Variants in ITIH3 observed in about 807,000 individuals in gnomAD.
The protein encoded by ITIH3 is inter-alpha-trypsin inhibitor heavy chain 3.
ITIH3 carries 81 observed loss-of-function variants against 96.5 expected under a neutral mutation model. The observed-to-expected ratio is 0.84, with a 90% confidence interval of 0.70 to 1.01. The LOEUF (loss-of-function observed/expected upper bound fraction) is 1.01. Ranked by LOEUF, ITIH3 falls within the 50% of genes least tolerant of loss-of-function variation. The pLI is 0.00. For missense variants in ITIH3, 1,057 were observed against 1,139.3 expected, an observed-to-expected ratio of 0.93 and a Z score of 1.04; for synonymous variants, 422 against 445.2, an observed-to-expected ratio of 0.95 and a Z score of 0.66.
Position 52,797,236 on chromosome 3 carries a change from T to C in ITIH3, c.518T>C (p.Val173Ala), listed in dbSNP as rs1699623715. 4 of 1,607,016 alleles carry C rather than the reference T, an allele frequency of 2.5e-6. No individual in the cohort carries two copies. The East Asian group carries it at 8.9e-5, about 36-fold the overall frequency. ...HKGKYEMYLK[V>A]QPKQLVKHFE... is the part of the protein sequence containing the mutation. ...GGCAAGTACGAGATGTACCTCAAGG[T>C]CCAGCCTAAGCAACTGGTCAAACAC... The change falls in exon 5 of 22, where the codon GTC becomes GCC. Residue 173 changes from valine (V) to alanine (A), a missense_variant. Coordinates refer to ENST00000449956, the MANE Select transcript of ITIH3 (RefSeq NM_002217.4).
rs1385085087 is a variant in ITIH3, at chr3:52,804,719, C to T, written c.1865-7C>T. The stretch of plus-strand genomic sequence containing the variant: ...TTTCTCTTCTTCCTCCCTTGCTGCA[C>T]CTGCAGATGCAGAAGGTAAGCCTTT... On this transcript the variant is annotated splice_region_variant and splice_polypyrimidine_tract_variant and intron_variant, in intron 14 of 21. Coordinates refer to ENST00000449956, the MANE Select transcript of ITIH3 (RefSeq NM_002217.4). The T allele has an allele frequency of 1.3e-6, 2 of 1,585,528 alleles. No homozygotes were observed. Among genetic ancestry groups the T allele is most frequent in the Non-Finnish European group, 1.7e-6 (2 of 1,164,710 alleles).
At chr3:52,804,235 G>C in intron 14 of ITIH3, 1 of 575,970 alleles carries the variant, frequency 1.7e-6, no homozygotes. Context: ...CTAAAGGGAA[G>C]TGAGTAAAGG....
rs377485421 is a variant in ITIH3 at position 52,796,323 on chromosome 3, C to T, written c.115-158C>T. ...GCCACCAGAACATGGAGACTGGAGACGCCACCAAGTCTTCCAGTGTAGAAG... is the reference window on the plus strand; with the variant it reads ...GCCACCAGAACATGGAGACTGGAGATGCCACCAAGTCTTCCAGTGTAGAAG... On this transcript the variant is annotated intron_variant, in intron 2 of 21. Transcript: ENST00000449956. Among the ~76,000 whole-genome samples, 167 of 152,204 alleles carry T rather than the reference C, an allele frequency of 1.1e-3. 1 individual carries two copies. Among genetic ancestry groups the T allele is most frequent in the South Asian group, 5.8e-3 (28 of 4,812 alleles).
intron 10 of ITIH3, 137 bp from the exon 11 acceptor site, chr3:52,800,828 C>A (rs1578756016): frequency 6.9e-7 from 1 of 1,456,316 alleles, no homozygotes; most frequent in East Asian, 2.3e-5. Context: ...CAGGGCTCTC[C>A]ACCACCTGCC....
chr3:52,805,484 G>A (rs1700003291), intron 15 of ITIH3: 1 of 1,137,002 alleles, frequency 8.8e-7, no homozygotes, highest in Non-Finnish European at 1.1e-6. Flanking sequence ...ACCCCAACTA[G>A]GGGGTGGGAA....
In ITIH3 at chr3:52,799,704, G is replaced by A. The variant is rs543258428; in HGVS notation, c.907-49G>A. ...TGCACCGCCTGCTGAGCTGAGAAGG[G>A]ACCTCACTCTCTGCTGCGGCTTCTC... On this transcript the variant is annotated intron_variant, in intron 8 of 21. Transcript: ENST00000449956. 1.2e-5 allele frequency: 19 copies of A among 1,545,262 alleles called. 1 individual carries two copies. The East Asian group carries it at 4.0e-4, about 33-fold the overall frequency.
Position 52,796,902 on chromosome 3 carries a change from T to G in ITIH3, c.386+59T>G, listed in dbSNP as rs188844858. ...TCTGGGATCCAAGGGCCTTCAGGGC[T>G]ACAAACAACAACAACAGCTATTATT... is the stretch of plus-strand genomic sequence containing the variant. On this transcript the variant is annotated intron_variant, in intron 4 of 21. Transcript: ENST00000449956. 54 of 1,279,390 alleles carry G rather than the reference T, an allele frequency of 4.2e-5. No individual in the cohort carries two copies. The African/African-American group carries it at 7.6e-4, about 18-fold the overall frequency. 79.3% of individuals were successfully genotyped at this position (1,279,390 alleles called of 1,614,324 possible).
chr3:52,806,791 C>T (rs1376132683), intron 18 of ITIH3, 110 bp from the exon 19 acceptor site: 8 of 849,588 alleles, frequency 9.4e-6, no homozygotes, highest in South Asian at 3.2e-5. Context: ...TTGTGGCCCC[C>T]GCTCTGCTGC....
intron 14 of ITIH3, 176 bp downstream of exon 14, chr3:52,804,185 T>G: frequency 1.5e-6 from 1 of 646,796 alleles, no homozygotes; most frequent in African/African-American, 1.8e-5. Context: ...GCAGTCAGCA[T>G]GGACAGTGGG....
intron 13 of ITIH3, among the ~76,000 whole-genome samples, 190 bp from the exon 14 acceptor site, chr3:52,803,665 C>T (rs1205478680): frequency 6.6e-6 from 1 of 152,244 alleles, no homozygotes; most frequent in Non-Finnish European, 1.5e-5. Context: ...AGCAAGGAAA[C>T]AGGGCTTGTT....
chr3:52,802,310 T>A, intron 11 of ITIH3, 24 bp from the exon 12 acceptor site: 3 of 1,611,632 alleles, frequency 1.9e-6, no homozygotes, highest in Non-Finnish European at 2.5e-6. Context: ...GGGCTTGAGA[T>A]GACTGGCCCC....
In ITIH3 at chr3:52,795,659, G is replaced by T. The variant is rs1046423438; in HGVS notation, c.114+36G>T. On this transcript the variant is annotated intron_variant, in intron 2 of 21. Coordinates refer to ENST00000449956, the MANE Select transcript of ITIH3 (RefSeq NM_002217.4). ...TCACCAGGGGGTGGGACCGAGTGGGGCAGGGCAGGATGGAGCTGGTTCCCC... is the reference window on the plus strand; with the variant it reads ...TCACCAGGGGGTGGGACCGAGTGGGTCAGGGCAGGATGGAGCTGGTTCCCC... 14 of 1,605,106 alleles carry T rather than the reference G, an allele frequency of 8.7e-6. No homozygotes were observed. In the Admixed American group the frequency reaches 1.2e-4, roughly 14 times the overall value.
chr3:52,802,259 G>A, intron 11 of ITIH3, 75 bp from the exon 12 acceptor site: 1 of 1,497,030 alleles, frequency 6.7e-7, no homozygotes, highest in African/African-American at 1.4e-5. Flanking sequence ...CAGCCCTGGG[G>A]CATGGATGCC....
Sources: allele counts gnomAD v4.1 joint callset (sites outside exome capture counted in the v4.1 genomes callset), GRCh38; gene constraint gnomAD v4.1.1; transcripts MANE v1.5; gene names NCBI Gene and HGNC (gene_info 2026-07-23, HGNC 2026-07-21).